FGF14: variants seen among roughly 807,000 people sequenced by gnomAD.
FGF14 encodes the protein fibroblast growth factor homologous factor 4.
FGF14 carries 5 observed loss-of-function variants against 25.5 expected under a neutral mutation model. The ratio of observed to expected loss-of-function variants is 0.20; its 90% confidence interval spans 0.10 to 0.41. The LOEUF is 0.41. FGF14 is among the 10% of genes least tolerant of loss of function. The pLI is 1.00. For synonymous variants in FGF14, 138 were observed against 118.3 expected (o/e 1.17, Z -1.08); for missense variants, 222 against 320.1 (o/e 0.69, Z 2.34).
At chr13:101,905,951 C>A (rs368466141) in intron 1 of FGF14, among the ~76,000 whole-genome samples, 3 of 152,126 alleles carry the variant, frequency 2.0e-5, no homozygotes, top group Non-Finnish European at 4.4e-5. Flanking sequence ...ATAATACCAA[C>A]AACACCCTGT....
chr13:102,173,798 G>T (rs555753960), intron 1 of FGF14, among the ~76,000 whole-genome samples: 1 of 152,162 alleles, frequency 6.6e-6, no homozygotes, highest in African/African-American at 2.4e-5. Flanking sequence ...AGACTAGAAT[G>T]GTGATTATCA....
At chr13:101,891,565 C>T (rs1318661976) in intron 1 of FGF14, among the ~76,000 whole-genome samples, 4 of 152,130 alleles carry the variant, frequency 2.6e-5, no homozygotes, top group Non-Finnish European at 4.4e-5. Flanking sequence ...GTGTCAAACA[C>T]ACTACTAAGA....
At chr13:101,771,238 G>A (rs914964139) in intron 3 of FGF14, among the ~76,000 whole-genome samples, 4 of 152,032 alleles carry the variant, frequency 2.6e-5, no homozygotes, top group Non-Finnish European at 5.9e-5. Flanking sequence ...TAGCAGTGTG[G>A]TAGCATTCTA....
intron 3 of FGF14, among the ~76,000 whole-genome samples, chr13:101,823,847 T>C (rs2042277461): frequency 6.7e-6 from 1 of 149,540 alleles, no homozygotes; most frequent in Non-Finnish European, 1.5e-5. Flanking sequence ...ATAGTATCTA[T>C]ATTTAGTATA....
At chr13:101,752,285 T>A (rs1032364129) in intron 3 of FGF14, among the ~76,000 whole-genome samples, 3 of 152,208 alleles carry the variant, frequency 2.0e-5, no homozygotes, top group Non-Finnish European at 4.4e-5. Flanking sequence ...ATCAAAAACA[T>A]GTTTATATCA....
At chr13:101,797,264 G>A (rs2040580782) in intron 3 of FGF14, among the ~76,000 whole-genome samples, 1 of 152,076 alleles carries the variant, frequency 6.6e-6, no homozygotes, top group African/African-American at 2.4e-5. Flanking sequence ...GGATGCTGGA[G>A]TATACGGGTT....
intron 1 of FGF14, among the ~76,000 whole-genome samples, chr13:102,185,131 T>C (rs1042997512): frequency 2.0e-5 from 3 of 152,148 alleles, no homozygotes; most frequent in Non-Finnish European, 4.4e-5. Context: ...GCTGGAATAA[T>C]GAACACATTT....
chr13:102,391,810 A>C (rs2058439009), intron 1 of FGF14, among the ~76,000 whole-genome samples: 1 of 152,242 alleles, frequency 6.6e-6, no homozygotes. Flanking sequence ...CTGAGTGCTT[A>C]CGTAGAAAAC....
chr13:101,922,648 T>C (rs933029290), intron 1 of FGF14, among the ~76,000 whole-genome samples: 2 of 152,126 alleles, frequency 1.3e-5, no homozygotes, highest in Admixed American at 6.5e-5. Flanking sequence ...TATTAAAGTA[T>C]ATAAACTCGA....
At chr13:102,236,305 G>T (rs1243697982) in intron 1 of FGF14, among the ~76,000 whole-genome samples, 9 of 152,154 alleles carry the variant, frequency 5.9e-5, no homozygotes, top group African/African-American at 2.2e-4. Context: ...CTGGTAACAG[G>T]ATCAGCAGAT....
intron 1 of FGF14, among the ~76,000 whole-genome samples, chr13:101,911,978 C>T (rs940176090): frequency 6.7e-6 from 1 of 148,618 alleles, no homozygotes; most frequent in Non-Finnish European, 1.5e-5. Flanking sequence ...GGTAATGACA[C>T]TAAAACAGTA....
intron 1 of FGF14, among the ~76,000 whole-genome samples, chr13:102,026,811 A>G (rs1176694310): frequency 6.6e-6 from 1 of 151,822 alleles, no homozygotes; most frequent in Non-Finnish European, 1.5e-5. Context: ...TACATAAGAA[A>G]TTGTTTTAAA....
At chr13:101,875,934 A>T (rs2045365802) in intron 1 of FGF14, among the ~76,000 whole-genome samples, 1 of 152,182 alleles carries the variant, frequency 6.6e-6, no homozygotes, top group Non-Finnish European at 1.5e-5. Context: ...CTCAGGGGAA[A>T]CACAGCAAAC....
chr13:102,318,910 C>T (rs887626801), intron 1 of FGF14, among the ~76,000 whole-genome samples: 13 of 152,240 alleles, frequency 8.5e-5, no homozygotes, highest in East Asian at 5.8e-4. Context: ...GTTAAATAAA[C>T]GAATGCATGA....
intron 1 of FGF14, among the ~76,000 whole-genome samples, chr13:102,174,999 A>T (rs2048387743): frequency 6.6e-6 from 1 of 152,220 alleles, no homozygotes; most frequent in African/African-American, 2.4e-5. Context: ...GACAGGAAGA[A>T]TCAATATTGT....
chr13:101,969,345 C>T (rs929518929), intron 1 of FGF14, among the ~76,000 whole-genome samples: 5 of 152,106 alleles, frequency 3.3e-5, no homozygotes. Flanking sequence ...GGGCGGATCA[C>T]AAGGTCAGGA....
intron 1 of FGF14, among the ~76,000 whole-genome samples, chr13:102,099,324 C>CA (rs1294925093): frequency 6.6e-6 from 1 of 152,166 alleles, no homozygotes; most frequent in African/African-American, 2.4e-5. Flanking sequence ...GGGGTATTTA[C>CA]GTGCAGAGAA....
chr13:102,214,316 G>A (rs1304912064), intron 1 of FGF14, among the ~76,000 whole-genome samples: 1 of 152,142 alleles, frequency 6.6e-6, no homozygotes, highest in Admixed American at 6.5e-5. Flanking sequence ...TTATTTTGAA[G>A]CTATCACGCA....
chr13:101,928,596 C>T (rs2139221847), intron 1 of FGF14, among the ~76,000 whole-genome samples: 1 of 152,092 alleles, frequency 6.6e-6, no homozygotes, highest in African/African-American at 2.4e-5. Flanking sequence ...AAGGTTAGAA[C>T]AAGAAGTAGC....
Sources: allele counts gnomAD v4.1 joint callset (sites outside exome capture counted in the v4.1 genomes callset), GRCh38; gene constraint gnomAD v4.1.1; transcripts MANE v1.5; gene names NCBI Gene and HGNC (gene_info 2026-07-23, HGNC 2026-07-21).